PRKG1: variants seen among roughly 807,000 people sequenced by gnomAD.
The protein encoded by PRKG1 is protein kinase cGMP-dependent 1, also known as cGMP-dependent protein kinase 1.
A neutral mutation model predicts 88.1 loss-of-function variants in PRKG1; 35 were observed. The ratio of observed to expected loss-of-function variants is 0.40; its 90% CI spans 0.30 to 0.53. PRKG1 has a LOEUF of 0.53. Ranked by LOEUF, PRKG1 falls within the 20% of genes least tolerant of loss-of-function variation. The pLI, the probability that PRKG1 is intolerant of heterozygous loss-of-function variation, is 0.59. For missense variants in PRKG1, 540 were observed against 839.8 expected (o/e 0.64, Z 4.41); for synonymous variants, 303 against 292.5 (o/e 1.04, Z -0.37).
intron 2 of PRKG1, among the ~76,000 whole-genome samples, chr10:51,313,860 A>T (rs1841254683): frequency 6.6e-6 from 1 of 152,226 alleles, no homozygotes; most frequent in South Asian, 2.1e-4. Context: ...TCAGTGTAGT[A>T]CTTGGCACAC....
intron 7 of PRKG1, among the ~76,000 whole-genome samples, chr10:52,070,690 C>A (rs78406249): frequency 0.016 from 2,449 of 152,228 alleles, 73 homozygotes; most frequent in African/African-American, 0.055. Context: ...TCATTCGGTG[C>A]TACATTTTTA....
chr10:52,169,659 C>T (rs1257197576), intron 9 of PRKG1, among the ~76,000 whole-genome samples: 1 of 152,162 alleles, frequency 6.6e-6, no homozygotes. Flanking sequence ...ATTTAGCAAA[C>T]CAGTGGGTTC....
At chr10:52,035,506 C>T (rs969368213) in intron 5 of PRKG1, among the ~76,000 whole-genome samples, 4 of 152,008 alleles carry the variant, frequency 2.6e-5, no homozygotes, top group East Asian at 1.9e-4. Context: ...CTGGTGGAAC[C>T]GCCAACAATA....
At chr10:51,593,207 C>T (rs1589114183) in intron 3 of PRKG1, among the ~76,000 whole-genome samples, 1 of 152,230 alleles carries the variant, frequency 6.6e-6, no homozygotes, top group South Asian at 2.1e-4. Context: ...GCCCTGTATA[C>T]AGTACTTTGA....
chr10:51,789,890 C>T (rs1419161391), intron 3 of PRKG1, among the ~76,000 whole-genome samples: 3 of 151,912 alleles, frequency 2.0e-5, no homozygotes, highest in South Asian at 2.1e-4. Context: ...GGCACCACCT[C>T]GAGTCACTGC....
chr10:51,552,704 C>T (rs976906154), intron 3 of PRKG1, among the ~76,000 whole-genome samples: 1 of 151,572 alleles, frequency 6.6e-6, no homozygotes, highest in African/African-American at 2.4e-5. Context: ...CAATTAGAAG[C>T]TGGTATGAAA....
chr10:51,051,494 C>T (rs1025027204), intron 1 of PRKG1, among the ~76,000 whole-genome samples: 28 of 152,194 alleles, frequency 1.8e-4, no homozygotes, highest in African/African-American at 5.8e-4. Context: ...ATAAAATGTA[C>T]TCCCTTCTTT....
intron 1 of PRKG1, among the ~76,000 whole-genome samples, chr10:51,026,878 A>G (rs1007145255): frequency 6.6e-6 from 1 of 152,190 alleles, no homozygotes; most frequent in African/African-American, 2.4e-5. Context: ...ACCTCTGAAA[A>G]TAAGCATTAA....
intron 4 of PRKG1, among the ~76,000 whole-genome samples, chr10:51,861,695 C>T (rs996605705): frequency 2.0e-4 from 31 of 152,264 alleles, no homozygotes; most frequent in African/African-American, 3.9e-4. Context: ...GAAATCTTTA[C>T]GAGTTGTTTA....
At chr10:51,827,472 G>A (rs1157587630) in intron 4 of PRKG1, among the ~76,000 whole-genome samples, 1 of 152,074 alleles carries the variant, frequency 6.6e-6, no homozygotes, top group African/African-American at 2.4e-5. Flanking sequence ...ATCCTTCAAT[G>A]TAGAAAAGAT....
chr10:51,947,961 T>G (rs1421684531), intron 5 of PRKG1, among the ~76,000 whole-genome samples: 2 of 152,230 alleles, frequency 1.3e-5, no homozygotes, highest in Non-Finnish European at 2.9e-5. Context: ...GACACCGTCA[T>G]TAATAAATTT....
chr10:51,959,972 A>G (rs1320857516), intron 5 of PRKG1, among the ~76,000 whole-genome samples: 1 of 152,136 alleles, frequency 6.6e-6, no homozygotes, highest in African/African-American at 2.4e-5. Flanking sequence ...ATATTCATGT[A>G]TGTACATGAT....
chr10:51,694,689 T>C (rs947566189), intron 3 of PRKG1, among the ~76,000 whole-genome samples: 1 of 152,202 alleles, frequency 6.6e-6, no homozygotes, highest in Admixed American at 6.5e-5. Context: ...ACTATTATGA[T>C]GAATGAATTG....
At chr10:51,220,995 C>T (rs1197666562) in intron 2 of PRKG1, among the ~76,000 whole-genome samples, 3 of 151,858 alleles carry the variant, frequency 2.0e-5, no homozygotes, top group African/African-American at 7.2e-5. Flanking sequence ...ATGCTTAGTT[C>T]CAATATGTTT....
At chr10:51,443,920 T>G (rs901632756) in intron 2 of PRKG1, among the ~76,000 whole-genome samples, 3 of 151,954 alleles carry the variant, frequency 2.0e-5, no homozygotes, top group African/African-American at 7.2e-5. Context: ...TTCTGTAAAT[T>G]AATAAAAATA....
intron 3 of PRKG1, among the ~76,000 whole-genome samples, chr10:51,567,928 T>C (rs1030160952): frequency 6.6e-5 from 10 of 152,160 alleles, no homozygotes; most frequent in African/African-American, 2.4e-4. Context: ...CTGGCAAATA[T>C]TGGACCCTAA....
intron 7 of PRKG1, among the ~76,000 whole-genome samples, chr10:52,126,632 C>T (rs907111100): frequency 4.6e-5 from 7 of 152,060 alleles, no homozygotes; most frequent in African/African-American, 9.7e-5. Context: ...AAGTGTGTGC[C>T]GCCAAACACA....
chr10:51,222,083 G>T (rs939078072), intron 2 of PRKG1, among the ~76,000 whole-genome samples: 1 of 151,334 alleles, frequency 6.6e-6, no homozygotes, highest in Admixed American at 6.6e-5. Context: ...CACCACTTTG[G>T]CCAGGCTGTT....
At chr10:51,514,287 T>G (rs908472211) in intron 3 of PRKG1, among the ~76,000 whole-genome samples, 1 of 152,174 alleles carries the variant, frequency 6.6e-6, no homozygotes, top group Admixed American at 6.5e-5. Flanking sequence ...CTCTAATTAA[T>G]TTTTATTTCT....
Sources: gnomAD v4.1 joint callset for allele counts (sites outside exome capture counted in the v4.1 genomes callset) on GRCh38, gnomAD v4.1.1 for gene constraint, MANE v1.5 for transcripts, NCBI Gene and HGNC (gene_info 2026-07-23, HGNC 2026-07-21) for gene names.